Variants in ZNRF3 observed in about 807,000 individuals in gnomAD.
The protein encoded by ZNRF3 is E3 ubiquitin-protein ligase ZNRF3.
ZNRF3 carries 23 observed loss-of-function variants against 72.5 expected under a neutral mutation model. The observed-to-expected ratio is 0.32, with a 90% CI of 0.23 to 0.45. The LOEUF (loss-of-function observed/expected upper bound fraction) is 0.45, where lower values mean the gene tolerates loss of function less well. Among genes scored for constraint, ZNRF3 ranks in the 20% least tolerant of loss-of-function variants. The pLI, the probability that ZNRF3 is intolerant of heterozygous loss-of-function variation, is 1.00. For synonymous variants in ZNRF3, 610 were observed against 545.3 expected, an observed-to-expected ratio of 1.12 and a Z score of -1.65; for missense variants, 1,169 against 1,272.1, an observed-to-expected ratio of 0.92 and a Z score of 1.23.
At chr22:28,899,688 T>A (rs1434200203) in intron 1 of ZNRF3, among the ~76,000 whole-genome samples, 1 of 150,764 alleles carries the variant, frequency 6.6e-6, no homozygotes, top group Non-Finnish European at 1.5e-5. Context: ...CTTCTTTCTT[T>A]CTTTCTTTTT....
At chr22:29,027,161 CA>C (rs2036651499) in intron 2 of ZNRF3, among the ~76,000 whole-genome samples, 1 of 152,160 alleles carries the variant, frequency 6.6e-6, no homozygotes, top group African/African-American at 2.4e-5. Context: ...TTCAAACCTA[CA>C]AAGGCTAGAT....
chr22:28,898,181 C>T (rs998490005), intron 1 of ZNRF3, among the ~76,000 whole-genome samples: 5 of 152,048 alleles, frequency 3.3e-5, no homozygotes, highest in African/African-American at 7.3e-5. Flanking sequence ...CTCCTAAGCT[C>T]GGGTGATCTA....
intron 1 of ZNRF3, among the ~76,000 whole-genome samples, chr22:28,885,590 T>TAAAAAAAAAAA (rs34201242): frequency 2.9e-5 from 3 of 102,744 alleles, no homozygotes; most frequent in Non-Finnish European, 4.0e-5. Flanking sequence ...TACAGCCTTC[T>TAAAAAAAAAAA]AAAAAAAAAA....
chr22:29,053,181 C>G (rs1294070892), intron 8 of ZNRF3, among the ~76,000 whole-genome samples: 6 of 152,256 alleles, frequency 3.9e-5, no homozygotes, highest in African/African-American at 1.2e-4. Context: ...CACTCCAGCC[C>G]CCTCTGAGAT....
intron 1 of ZNRF3, among the ~76,000 whole-genome samples, chr22:28,907,131 C>T (rs577787445): frequency 2.6e-5 from 4 of 151,288 alleles, no homozygotes; most frequent in South Asian, 2.1e-4. Context: ...TACAGGCACA[C>T]GCCGCCACGC....
At chr22:28,939,822 G>GT (rs1174981504) in intron 1 of ZNRF3, among the ~76,000 whole-genome samples, 1 of 151,924 alleles carries the variant, frequency 6.6e-6, no homozygotes, top group African/African-American at 2.4e-5. Flanking sequence ...TTTTTGAAGA[G>GT]TTTTTTTCAC....
intron 2 of ZNRF3, among the ~76,000 whole-genome samples, chr22:28,993,833 C>G (rs897931325): frequency 6.6e-6 from 1 of 152,188 alleles, no homozygotes; most frequent in Non-Finnish European, 1.5e-5. Flanking sequence ...CAGGTGTGTG[C>G]CACCACACCT....
chr22:28,957,337 G>C (rs79375425), intron 1 of ZNRF3, among the ~76,000 whole-genome samples: 8 of 152,284 alleles, frequency 5.3e-5, no homozygotes, highest in Non-Finnish European at 1.0e-4. Flanking sequence ...CACAGCACCT[G>C]TCACAATGCA....
chr22:28,888,152 A>G (rs1339169783), intron 1 of ZNRF3, among the ~76,000 whole-genome samples: 1 of 152,138 alleles, frequency 6.6e-6, no homozygotes, highest in Non-Finnish European at 1.5e-5. Flanking sequence ...TTTAGCTATT[A>G]GGGGTGGGTA....
intron 1 of ZNRF3, among the ~76,000 whole-genome samples, chr22:28,889,652 T>C (rs1349434055): frequency 1.3e-5 from 2 of 152,240 alleles, no homozygotes; most frequent in Non-Finnish European, 2.9e-5. Context: ...CCTTAGGCCC[T>C]GAGGCATCCA....
At chr22:28,953,041 T>C (rs2123796472) in intron 1 of ZNRF3, among the ~76,000 whole-genome samples, 1 of 152,344 alleles carries the variant, frequency 6.6e-6, no homozygotes, top group African/African-American at 2.4e-5. Flanking sequence ...CCCAGTGTTA[T>C]TAGAAACCTG....
At chr22:29,011,981 C>T (rs1267694898) in intron 2 of ZNRF3, among the ~76,000 whole-genome samples, 1 of 152,226 alleles carries the variant, frequency 6.6e-6, no homozygotes, top group Non-Finnish European at 1.5e-5. Flanking sequence ...GGGCCCACCA[C>T]AGCCGGGGGA....
chr22:28,945,419 C>T (rs771111523), intron 1 of ZNRF3, among the ~76,000 whole-genome samples: 5 of 151,908 alleles, frequency 3.3e-5, no homozygotes, highest in South Asian at 4.2e-4. Context: ...GGACCGGGCA[C>T]GGTGGCTCAC....
chr22:28,994,130 T>C (rs1177061781), intron 2 of ZNRF3, among the ~76,000 whole-genome samples: 1 of 151,194 alleles, frequency 6.6e-6, no homozygotes, highest in East Asian at 1.9e-4. Flanking sequence ...ATTGTCCATC[T>C]TCTCTTCCTT....
rs2037249741 is a variant in ZNRF3, at chr22:29,053,659, T to C, written c.*37T>C. The C allele has an allele frequency of 3.8e-6, 6 of 1,588,232 alleles. No individual in the cohort carries two copies. Among genetic ancestry groups the C allele is most frequent in the Non-Finnish European group, 5.1e-6 (6 of 1,168,904 alleles). ...ACTCTTACCTGGAAATTGGGAACTG[T>C]ATGGAGACTCCAAACTGACTTCTTT... On this transcript the variant is annotated 3_prime_UTR_variant, in exon 9 of 9. Transcript: ENST00000544604.
intron 1 of ZNRF3, among the ~76,000 whole-genome samples, chr22:28,903,707 C>T (rs1045862783): frequency 1.3e-5 from 2 of 152,084 alleles, no homozygotes; most frequent in Non-Finnish European, 2.9e-5. Flanking sequence ...GAAATTGCCC[C>T]TTTCTGAAGG....
intron 2 of ZNRF3, among the ~76,000 whole-genome samples, chr22:29,041,765 C>T (rs1057311293): frequency 2.0e-5 from 3 of 152,170 alleles, no homozygotes; most frequent in Non-Finnish European, 4.4e-5. Context: ...CTCCCACCAC[C>T]GACAGTGTCT....
intron 1 of ZNRF3, among the ~76,000 whole-genome samples, chr22:28,903,193 C>G (rs2034139778): frequency 6.6e-6 from 1 of 152,168 alleles, no homozygotes; most frequent in Non-Finnish European, 1.5e-5. Flanking sequence ...ACAGCTAGAT[C>G]ATTGTCCAGG....
chr22:28,939,508 A>G (rs969503455), intron 1 of ZNRF3, among the ~76,000 whole-genome samples: 15 of 152,072 alleles, frequency 9.9e-5, no homozygotes, highest in African/African-American at 3.4e-4. Flanking sequence ...CAAGGACAGA[A>G]CGAAATCCCC....
Sources: allele counts gnomAD v4.1 joint callset (sites outside exome capture counted in the v4.1 genomes callset), GRCh38; gene constraint gnomAD v4.1.1; transcripts MANE v1.5; gene names NCBI Gene and HGNC (gene_info 2026-07-23, HGNC 2026-07-21).